Variants in CDC34 observed in about 807,000 individuals in gnomAD.
CDC34 encodes the protein ubiquitin-conjugating enzyme E2 R1.
Under a neutral mutation model 26.8 loss-of-function variants are expected in CDC34, and 18 were observed. The observed-to-expected ratio is 0.67, with a 90% CI of 0.47 to 1.00. CDC34 has a LOEUF of 1.00. CDC34 is among the 50% of genes least tolerant of loss of function. CDC34 has a pLI of 0.00. For synonymous variants in CDC34, 178 were observed against 147.5 expected (o/e 1.21, Z -1.50); for missense variants, 280 against 334.5 (o/e 0.84, Z 1.27).
chr19:531,898 C>A lies in CDC34; in HGVS notation c.-34C>A, dbSNP rs552161530. The A allele has an allele frequency of 2.2e-5, 30 of 1,360,690 alleles. No individual in the cohort carries two copies. In the South Asian group the frequency reaches 5.2e-4, roughly 24 times the overall value. The allele number at this position is 1,360,690 out of a possible 1,614,324, so 84.3% of individuals were successfully genotyped here. Reference sequence around the variant, plus strand: ...AACTCGCGGTGGTCGCGCGGCCCCGCGCTGCTCCGACCCCGGGCCCCTCCG... The same window carrying A: ...AACTCGCGGTGGTCGCGCGGCCCCGAGCTGCTCCGACCCCGGGCCCCTCCG... On this transcript the variant is annotated 5_prime_UTR_variant, in exon 1 of 5. Transcript: ENST00000215574.
At position 541,216 on chromosome 19, in the gene CDC34, C is replaced by T. The variant is rs891007701; in HGVS notation, c.498-123C>T. ...CGCACAGGGCTTTGTCCTAAGTGGT[C>T]GCCACACGCCGTTTTAAGAGAAACC... On this transcript the variant is annotated intron_variant, in intron 4 of 4. Transcript: ENST00000215574. The T allele has an allele frequency of 1.0e-5, 13 of 1,276,262 alleles. No homozygotes were observed. The Admixed American group carries it at 1.2e-4, about 11-fold the overall frequency. 79.1% of individuals were successfully genotyped at this position (1,276,262 alleles called of 1,614,324 possible). A position where few individuals can be genotyped will look rare whatever the true frequency, so the allele number is the denominator to read the frequency against.
At position 541,717 on chromosome 19, in the gene CDC34, T is replaced by A; in HGVS notation, c.*165T>A. ...TGTCTGTTCTGGGTTTTCACGTGCT[T>A]CAGAGAAGAGGGGCTGCCCCACCGC... On this transcript the variant is annotated 3_prime_UTR_variant, in exon 5 of 5. Coordinates refer to ENST00000215574, the MANE Select transcript of CDC34 (RefSeq NM_004359.2). 1.4e-6 allele frequency: 1 copy of A among 726,698 alleles called. No homozygotes were observed. The highest frequency in any genetic ancestry group is 2.1e-6 in the Non-Finnish European group (1 of 486,414). The allele number at this position is 726,698 out of a possible 1,614,324, so 45.0% of individuals were successfully genotyped here.
At chr19:538,539 T>C (rs1046357873) in intron 4 of CDC34, 8 of 196,780 alleles carry the variant, frequency 4.1e-5, no homozygotes, top group African/African-American at 1.9e-4. Context: ...CTATCCATTT[T>C]TTTTTTTTCT....
At chr19:538,028 T>A (rs996113671) in intron 4 of CDC34, among the ~76,000 whole-genome samples, 2 of 152,234 alleles carry the variant, frequency 1.3e-5, no homozygotes, top group African/African-American at 2.4e-5. Context: ...AATGAAGAAA[T>A]GGGGTCGTGC....
rs191947256 is a variant in CDC34 at position 541,599 on chromosome 19, C to A, written c.*47C>A. ...GAGTTTACCTCACTAGGGCCGGACC[C>A]GTGGCTCCTTAGACGACAGACTACC... On this transcript the variant is annotated 3_prime_UTR_variant, in exon 5 of 5. Coordinates refer to ENST00000215574, the MANE Select transcript of CDC34 (RefSeq NM_004359.2). 2.9e-3 allele frequency: 4,341 copies of A among 1,512,918 alleles called. 6 individuals are homozygous for A. The highest frequency in any genetic ancestry group is 8.4e-3 in the Admixed American group (386 of 45,688). The allele number at this position is 1,512,918 out of a possible 1,614,324, so 93.7% of individuals were successfully genotyped here. A position where few individuals can be genotyped will look rare whatever the true frequency, so the allele number is the denominator to read the frequency against.
At chr19:533,537 C>T (rs1979594049) in intron 1 of CDC34, among the ~76,000 whole-genome samples, 1 of 152,240 alleles carries the variant, frequency 6.6e-6, no homozygotes, top group Admixed American at 6.5e-5. Flanking sequence ...ATGGTTTTAG[C>T]AGCTCCTCCG....
At chr19:539,818 G>C (rs997840130) in intron 4 of CDC34, among the ~76,000 whole-genome samples, 5 of 152,206 alleles carry the variant, frequency 3.3e-5, no homozygotes, top group African/African-American at 1.2e-4. Flanking sequence ...CATTCTTGAC[G>C]CGTGTCCTGG....
intron 4 of CDC34, chr19:539,004 A>G: frequency 1.0e-6 from 1 of 985,254 alleles, no homozygotes; most frequent in Non-Finnish European, 1.2e-6. Flanking sequence ...CCCAGCACAG[A>G]AATAAAAGCC....
chr19:534,969 G>A (rs1221684843), intron 1 of CDC34, among the ~76,000 whole-genome samples: 2 of 152,214 alleles, frequency 1.3e-5, no homozygotes, highest in Non-Finnish European at 2.9e-5. Flanking sequence ...GCCTTGGAGT[G>A]CTGAGTGCCA....
Position 536,311 on chromosome 19 carries a change from A to T in CDC34, c.333A>T (p.Ser111=), listed in dbSNP as rs765845994. The change falls in exon 3 of 5, where the codon TCA becomes TCT. Residue 111 remains serine (S), a synonymous_variant. Transcript: ENST00000215574. The stretch of plus-strand genomic sequence containing the variant: ...ACCCCCAGAGCGGGGAGCTGCCCTC[A>T]GAGAGGTGGAACCCCACGCAGAACG... ...VDDPQSGELP[S]ERWNPTQNVR... 1 of 1,612,478 alleles carries T rather than the reference A, an allele frequency of 6.2e-7. No homozygotes were observed. The highest frequency in any genetic ancestry group is 1.7e-5 in the Admixed American group (1 of 59,932).
intron 1 of CDC34, among the ~76,000 whole-genome samples, chr19:532,575 A>T (rs16990508): frequency 0.057 from 8,491 of 149,826 alleles, 270 homozygotes; most frequent in South Asian, 0.086. Flanking sequence ...AGGCCCCCCC[A>T]GACCCCGTAG....
intron 4 of CDC34, among the ~76,000 whole-genome samples, chr19:538,326 G>A (rs578178652): frequency 6.6e-6 from 1 of 152,332 alleles, no homozygotes; most frequent in Non-Finnish European, 1.5e-5. Flanking sequence ...CTTAGCTTGC[G>A]TGGCTGTGTG....
Position 541,561 on chromosome 19 carries a change from G to A in CDC34, c.*9G>A. On this transcript the variant is annotated 3_prime_UTR_variant, in exon 5 of 5. Transcript: ENST00000215574. The stretch of plus-strand genomic sequence containing the variant: ...GCACGGAGGAGTCCTGACACCACCA[G>A]AATAAACTTGCCGAGTTTACCTCAC... 6.4e-7 allele frequency: 1 copy of A among 1,558,306 alleles called. No individual in the cohort carries two copies.
chr19:536,581 C>G, intron 3 of CDC34: 1 of 579,660 alleles, frequency 1.7e-6, no homozygotes, highest in Non-Finnish European at 3.1e-6. Flanking sequence ...CCGGCCCCAC[C>G]GTCTGGAACC....
chr19:541,461 A>G lies in CDC34; in HGVS notation c.620A>G (p.Tyr207Cys). The part of the protein sequence containing the change: ...PAPDEGSDLF[Y>C]DDYYEDGEVE... ...CCCGACGAGGGCTCAGACCTCTTCT[A>G]CGACGACTACTACGAGGACGGCGAG... The change falls in exon 5 of 5, where the codon TAC (tyrosine) becomes TGC (cysteine). Residue 207 changes from tyrosine to cysteine, a missense_variant. By Grantham distance (194) the Tyr-to-Cys change is radical (BLOSUM62 -2). Transcript: ENST00000215574. 1 of 1,612,726 alleles carries G rather than the reference A, an allele frequency of 6.2e-7. No homozygotes were observed. Among genetic ancestry groups the G allele is most frequent in the Non-Finnish European group, 8.5e-7 (1 of 1,179,836 alleles).
rs1568332345 is a variant in CDC34 at position 540,780 on chromosome 19, AGAGG to A, written c.498-558_498-555del. ...GGCCAGGCCCCCGGGTTTAGAATCC[AGAGG>A]CTGGGATGGCCAGGCCCCCCGGTTT... On this transcript the variant is annotated intron_variant, in intron 4 of 4. Coordinates refer to ENST00000215574, the MANE Select transcript of CDC34 (RefSeq NM_004359.2). Among the ~76,000 whole-genome samples the A allele has an allele frequency of 2.3e-3, 30 of 13,092 alleles. 2 individuals are homozygous for A. Among genetic ancestry groups the A allele is most frequent in the Middle Eastern group, 0.036 (1 of 28 alleles). 8.6% of individuals were successfully genotyped at this position (13,092 alleles called of 152,430 possible). A position where few individuals can be genotyped will look rare whatever the true frequency, so the allele number is the denominator to read the frequency against.
chr19:539,561 G>A (rs2145852084), intron 4 of CDC34, among the ~76,000 whole-genome samples: 1 of 152,258 alleles, frequency 6.6e-6, no homozygotes, highest in South Asian at 2.1e-4. Context: ...AAAGCACTGG[G>A]CTTGTGGGCT....
At chr19:536,563 A>AC (rs1227737725) in intron 3 of CDC34, 6 of 581,246 alleles carry the variant, frequency 1.0e-5, no homozygotes, top group Non-Finnish European at 1.8e-5. Context: ...TCCCACCAGG[A>AC]CCCCAGGCCG....
intron 4 of CDC34, among the ~76,000 whole-genome samples, chr19:539,649 A>G (rs980200101): frequency 2.0e-5 from 3 of 152,118 alleles, no homozygotes; most frequent in African/African-American, 4.8e-5. Context: ...GGTAGCAGCC[A>G]GCCCCAGAGC....
Sources: allele counts gnomAD v4.1 joint callset (sites outside exome capture counted in the v4.1 genomes callset), GRCh38; gene constraint gnomAD v4.1.1; transcripts MANE v1.5; gene names NCBI Gene and HGNC (gene_info 2026-07-23, HGNC 2026-07-21).